MARS1: variants seen among roughly 807,000 people sequenced by gnomAD.
MARS1 encodes the protein methionyl-tRNA synthetase 1, also known as methionine--tRNA ligase, cytoplasmic.
MARS1 carries 80 observed loss-of-function variants against 119.5 expected under a neutral mutation model. That is an observed-to-expected ratio of 0.67 (90% CI 0.56 to 0.81). MARS1 has a LOEUF of 0.81. Ranked by LOEUF, MARS1 falls within the 30% of genes least tolerant of loss-of-function variation. The pLI, the probability that MARS1 is intolerant of heterozygous loss-of-function variation, is 0.00. For synonymous variants in MARS1, 418 were observed against 433.4 expected (o/e 0.96, Z 0.44); for missense variants, 945 against 1,116.5 (o/e 0.85, Z 2.19).
intron 10 of MARS1, among the ~76,000 whole-genome samples, chr12:57,502,614 G>T (rs1022961634): frequency 2.7e-5 from 4 of 149,552 alleles, no homozygotes; most frequent in Admixed American, 1.4e-4. Context: ...GCTGAGGCAG[G>T]ATAATCTCTT....
chr12:57,491,432 T>C (rs1875953766), intron 7 of MARS1, among the ~76,000 whole-genome samples: 2 of 152,214 alleles, frequency 1.3e-5, no homozygotes, highest in South Asian at 2.1e-4. Context: ...CTTGGTGTTA[T>C]CTAGACTTCT....
At chr12:57,504,899 T>C (rs1877109895) in intron 11 of MARS1, among the ~76,000 whole-genome samples, 1 of 151,856 alleles carries the variant, frequency 6.6e-6, no homozygotes, top group African/African-American at 2.4e-5. Flanking sequence ...AGACAGGGTT[T>C]TGCCATGTTG....
chr12:57,508,150 G>A (rs532828835), intron 11 of MARS1, among the ~76,000 whole-genome samples: 7 of 152,206 alleles, frequency 4.6e-5, no homozygotes, highest in Non-Finnish European at 7.4e-5. Context: ...GATGGCGGCC[G>A]GGCAGAGACA....
chr12:57,511,964 CT>C, intron 12 of MARS1, 43 bp from the exon 13 acceptor site: 1 of 1,607,172 alleles, frequency 6.2e-7, no homozygotes. Flanking sequence ...CAGTTTGAGA[CT>C]TTGGATTGGT....
At chr12:57,493,738 A>ATATAT (rs1876321071) in intron 7 of MARS1, among the ~76,000 whole-genome samples, 1 of 4,808 alleles carries the variant, frequency 2.1e-4, no homozygotes, top group Non-Finnish European at 3.3e-4. Flanking sequence ...ATTATATAAT[A>ATATAT]TATATTATAT....
chr12:57,502,946 A>C (rs1035972526), intron 10 of MARS1, among the ~76,000 whole-genome samples: 5 of 151,994 alleles, frequency 3.3e-5, no homozygotes. Context: ...GAATCGCTTG[A>C]ACCCGGGAGG....
chr12:57,494,315 T>A lies in MARS1; in HGVS notation c.770+3671T>A, dbSNP rs368304587. 3.4e-5 allele frequency among the ~76,000 whole-genome samples: 5 copies of A among 148,414 alleles called. 1 individual carries two copies. The highest frequency in any genetic ancestry group is 3.4e-3 in the Middle Eastern group (1 of 292). ...TTCAGTTTAATACTAAGCACTTACTTCTTCTTTTTTTTCTTTTTTTTTTTT... is the reference window on the plus strand; with the variant it reads ...TTCAGTTTAATACTAAGCACTTACTACTTCTTTTTTTTCTTTTTTTTTTTT... On this transcript the variant is annotated intron_variant, in intron 7 of 20. Coordinates refer to ENST00000262027, the MANE Select transcript of MARS1 (RefSeq NM_004990.4).
intron 11 of MARS1, 22 bp from the exon 12 acceptor site, chr12:57,511,676 C>A: frequency 6.2e-7 from 1 of 1,613,434 alleles, no homozygotes. Flanking sequence ...CCTAAATCAG[C>A]CCTCTTTCTC....
intron 7 of MARS1, among the ~76,000 whole-genome samples, chr12:57,493,383 A>G (rs1444172216): frequency 7.1e-5 from 3 of 42,094 alleles, no homozygotes; most frequent in South Asian, 7.7e-4. Flanking sequence ...TATATTATAT[A>G]ATATATTATA....
chr12:57,510,622 T>A (rs533101109), intron 11 of MARS1, among the ~76,000 whole-genome samples: 14 of 147,288 alleles, frequency 9.5e-5, no homozygotes, highest in African/African-American at 3.0e-4. Flanking sequence ...AAAAAGAAAA[T>A]TTTTTTTTTC....
chr12:57,515,247 C>T lies in MARS1; in HGVS notation c.2302C>T (p.Gln768Ter). 1.2e-6 allele frequency: 2 copies of T among 1,614,120 alleles called. No individual in the cohort carries two copies. The highest frequency in any genetic ancestry group is 1.1e-5 in the South Asian group (1 of 91,088). The change falls in exon 18 of 21, where the codon CAG becomes TAG. Residue 768 changes from glutamine (Q) to a stop codon, truncating the protein, a stop_gained. Coordinates refer to ENST00000262027, the MANE Select transcript of MARS1 (RefSeq NM_004990.4). LOFTEE classifies it high-confidence loss of function. Reference sequence around the variant, plus strand: ...CATGCCCACGGTTAGTGCCACAATCCAGGCCCAGCTGCAGCTCCCACCTCC... The same window carrying T: ...CATGCCCACGGTTAGTGCCACAATCTAGGCCCAGCTGCAGCTCCCACCTCC... ...PYMPTVSATI[Q>*]AQLQLPPPAC...
At chr12:57,489,773 A>T in intron 4 of MARS1, 123 bp from the exon 5 acceptor site, 4 of 1,089,764 alleles carry the variant, frequency 3.7e-6, no homozygotes, top group Non-Finnish European at 5.6e-6. Flanking sequence ...ATTAAGTGAG[A>T]TCATATAAAG....
chr12:57,513,861 G>T (rs1038764159), intron 15 of MARS1, among the ~76,000 whole-genome samples: 1 of 150,716 alleles, frequency 6.6e-6, no homozygotes, highest in Non-Finnish European at 1.5e-5. Context: ...ACAGGAGTTC[G>T]AGACCAGCCT....
At position 57,516,503 on chromosome 12, in the gene MARS1, ACT is replaced by A; in HGVS notation, c.2628_2629del (p.Leu877GlyfsTer10). ...KNEVAAEVAK[L>X]LDLKKQLAVA... ...ACGAGGTTGCTGCGGAGGTGGCGAA[ACT>A]CTTGGATCTAAAGAAACAGTTGGCT... On this transcript the variant is annotated frameshift_variant, in exon 21 of 21. Coordinates refer to ENST00000262027, the MANE Select transcript of MARS1 (RefSeq NM_004990.4). LOFTEE classifies it high-confidence loss of function. 6.2e-7 allele frequency: 1 copy of A among 1,613,698 alleles called. No individual in the cohort carries two copies. Among genetic ancestry groups the A allele is most frequent in the Non-Finnish European group, 8.5e-7 (1 of 1,179,898 alleles).
Position 57,511,741 on chromosome 12 carries a change from G to T in MARS1, c.1412G>T (p.Gly471Val), listed in dbSNP as rs1281069831. ...LEEWLGRTLP[G>V]SDWTPNAQFI... ...GAGTGGTTGGGGAGGACATTGCCTG[G>T]CAGTGACTGGACACCCAATGCCCAG... The change falls in exon 12 of 21, where the codon GGC (glycine) becomes GTC (valine). Residue 471 changes from glycine (G) to valine (V), a missense_variant. Coordinates refer to ENST00000262027, the MANE Select transcript of MARS1 (RefSeq NM_004990.4). 1.2e-6 allele frequency: 2 copies of T among 1,614,184 alleles called. No homozygotes were observed. The highest frequency in any genetic ancestry group is 2.2e-5 in the East Asian group (1 of 44,894).
chr12:57,503,854 A>G (rs778090617), intron 10 of MARS1: 1 of 179,386 alleles, frequency 5.6e-6, no homozygotes, highest in Non-Finnish European at 1.2e-5. Context: ...CTTGTTTCTT[A>G]TATAAGCCAT....
chr12:57,490,673 G>A, intron 7 of MARS1, 29 bp downstream of exon 7: 1 of 1,597,472 alleles, frequency 6.3e-7, no homozygotes, highest in Non-Finnish European at 8.6e-7. Context: ...TGTGAGTGGG[G>A]CTTGATTTTG....
intron 7 of MARS1, among the ~76,000 whole-genome samples, chr12:57,495,144 C>T (rs1352280455): frequency 2.0e-5 from 3 of 149,318 alleles, no homozygotes; most frequent in Non-Finnish European, 3.0e-5. Context: ...CGCCCCCCAC[C>T]TCCCGGATGG....
chr12:57,515,166 GTGAC>G lies in MARS1; in HGVS notation c.2224_2227del (p.Thr742AlafsTer4). The G allele has an allele frequency of 6.2e-7, 1 of 1,614,216 alleles. No homozygotes were observed. The highest frequency in any genetic ancestry group is 8.5e-7 in the Non-Finnish European group (1 of 1,180,034). On this transcript the variant is annotated frameshift_variant, in exon 18 of 21. Transcript: ENST00000262027. LOFTEE classifies it high-confidence loss of function. ...CTTCCTCAGGCAACGGGCAGGAACA[GTGAC>G]TGGCTTGGCAGTGAATATAGCTGCC...
Sources: allele counts gnomAD v4.1 joint callset (sites outside exome capture counted in the v4.1 genomes callset), GRCh38; gene constraint gnomAD v4.1.1; transcripts MANE v1.5; gene names NCBI Gene and HGNC (gene_info 2026-07-23, HGNC 2026-07-21).